The following TAB2 variants were observed in gnomAD, a reference collection of about 807,000 sequenced individuals.
TAB2 encodes TGF-beta activated kinase 1 (MAP3K7) binding protein 2.
A neutral mutation model predicts 65.0 loss-of-function variants in TAB2; 3 were observed. The observed-to-expected ratio is 0.05, with a 90% CI of 0.02 to 0.12. The LOEUF (loss-of-function observed/expected upper bound fraction) is 0.12, where lower values mean the gene tolerates loss of function less well. Ranked by LOEUF, TAB2 falls within the 10% of genes least tolerant of loss-of-function variation. TAB2 has a pLI of 1.00. For synonymous variants in TAB2, 298 were observed against 285.1 expected (o/e 1.05, Z -0.46); for missense variants, 623 against 840.3 (o/e 0.74, Z 3.20).
chr6:149,355,492 C>G (rs1338511817), intron 1 of TAB2, among the ~76,000 whole-genome samples: 1 of 151,650 alleles, frequency 6.6e-6, no homozygotes, highest in African/African-American at 2.4e-5. Context: ...GTGGAGAAAC[C>G]CCCGTCTCTA....
intron 1 of TAB2, among the ~76,000 whole-genome samples, chr6:149,223,952 G>C (rs745968438): frequency 3.9e-5 from 6 of 151,976 alleles, no homozygotes; most frequent in Admixed American, 1.3e-4. Context: ...TTAAGTGAAT[G>C]CTGAAATTAG....
At chr6:149,286,402 T>C (rs1778676900) in intron 1 of TAB2, among the ~76,000 whole-genome samples, 1 of 152,250 alleles carries the variant, frequency 6.6e-6, no homozygotes, top group Non-Finnish European at 1.5e-5. Context: ...TATTCTACTT[T>C]GCTTCTTCAA....
chr6:149,219,324 G>GTGTGTGTGTGTGTC (rs1317815140), intron 1 of TAB2, among the ~76,000 whole-genome samples: 2 of 151,930 alleles, frequency 1.3e-5, no homozygotes, highest in African/African-American at 4.8e-5. Context: ...GTGTGTGTGT[G>GTGTGTGTGTGTGTC]TGTGTGTGTG....
chr6:149,309,557 C>T (rs1339445313), intron 1 of TAB2, among the ~76,000 whole-genome samples: 3 of 151,924 alleles, frequency 2.0e-5, no homozygotes, highest in East Asian at 1.9e-4. Context: ...CCACCACGCC[C>T]GGCTAATTTT....
At chr6:149,254,931 A>ATGAGAC (rs1777982909) in intron 1 of TAB2, among the ~76,000 whole-genome samples, 1 of 152,216 alleles carries the variant, frequency 6.6e-6, no homozygotes, top group African/African-American at 2.4e-5. Context: ...TGATACTTAG[A>ATGAGAC]TGAGACTTTG....
chr6:149,287,122 C>T (rs1471336441), intron 1 of TAB2, among the ~76,000 whole-genome samples: 4 of 151,934 alleles, frequency 2.6e-5, no homozygotes, highest in South Asian at 2.1e-4. Flanking sequence ...ATCTCAAAAA[C>T]GAAACAAAAA....
intron 1 of TAB2, among the ~76,000 whole-genome samples, chr6:149,304,717 C>T (rs1303014444): frequency 2.0e-5 from 3 of 152,124 alleles, no homozygotes; most frequent in African/African-American, 7.2e-5. Flanking sequence ...ATCAGGATTG[C>T]CTCTCATTTT....
intron 1 of TAB2, 143 bp downstream of exon 1, chr6:149,318,158 T>A (rs1416103843): frequency 1.3e-5 from 2 of 152,254 alleles, no homozygotes; most frequent in Non-Finnish European, 2.9e-5. Flanking sequence ...GCACTCTTCC[T>A]CCCTCCGCCT....
At chr6:149,256,134 G>GAACTGGTTACTA (rs1778027783) in intron 1 of TAB2, among the ~76,000 whole-genome samples, 1 of 151,952 alleles carries the variant, frequency 6.6e-6, no homozygotes, top group African/African-American at 2.4e-5. Context: ...AAGAAGGAAA[G>GAACTGGTTACTA]TTAATTTTAA....
intron 1 of TAB2, among the ~76,000 whole-genome samples, chr6:149,331,118 A>G (rs911510786): frequency 1.3e-5 from 2 of 152,126 alleles, no homozygotes; most frequent in African/African-American, 4.8e-5. Flanking sequence ...CTTTCCATGT[A>G]AAATTTAGAA....
intron 1 of TAB2, among the ~76,000 whole-genome samples, chr6:149,322,388 A>G (rs1779483201): frequency 6.6e-6 from 1 of 152,288 alleles, no homozygotes; most frequent in African/African-American, 2.4e-5. Context: ...CCCATACATA[A>G]AATTTTTCCT....
At chr6:149,347,819 G>T (rs181106351) in intron 1 of TAB2, among the ~76,000 whole-genome samples, 53 of 152,104 alleles carry the variant, frequency 3.5e-4, no homozygotes, top group Admixed American at 6.5e-5. Flanking sequence ...TAGCTAACTG[G>T]TATATGATAT....
At chr6:149,355,014 C>G (rs545376198) in intron 1 of TAB2, among the ~76,000 whole-genome samples, 1 of 152,224 alleles carries the variant, frequency 6.6e-6, no homozygotes, top group East Asian at 1.9e-4. Flanking sequence ...GCCAAATTGA[C>G]ATCTATAGAG....
chr6:149,403,107 G>T (rs2114960050), intron 6 of TAB2, among the ~76,000 whole-genome samples: 1 of 151,336 alleles, frequency 6.6e-6, no homozygotes, highest in South Asian at 2.1e-4. Context: ...GGCGGCCCAT[G>T]CCTGTAATCC....
chr6:149,273,803 G>A (rs941709910), intron 1 of TAB2, among the ~76,000 whole-genome samples: 2 of 152,306 alleles, frequency 1.3e-5, no homozygotes. Flanking sequence ...CACACCTTCC[G>A]TGTTCAATGT....
chr6:149,369,473 G>C (rs1781148242), intron 1 of TAB2, among the ~76,000 whole-genome samples: 1 of 152,130 alleles, frequency 6.6e-6, no homozygotes, highest in South Asian at 2.1e-4. Context: ...TGAATGCATT[G>C]GGTTTTGAAT....
intron 3 of TAB2, among the ~76,000 whole-genome samples, chr6:149,388,236 T>C (rs1781865352): frequency 6.6e-6 from 1 of 152,234 alleles, no homozygotes; most frequent in African/African-American, 2.4e-5. Flanking sequence ...GCTCCATCTC[T>C]GTGCTTCCAT....
In TAB2 at chr6:149,400,435, A is replaced by G. The variant is rs147083506; in HGVS notation, c.1939+1251A>G. The G allele has an allele frequency of 1.4e-5, 23 of 1,614,246 alleles. No individual in the cohort carries two copies. Among genetic ancestry groups the G allele is most frequent in the Middle Eastern group, 1.6e-4 (1 of 6,062 alleles). On this transcript the variant is annotated intron_variant, in intron 6 of 6. Transcript: ENST00000637181. ...ACAGAAGAAGTCAAGACTGAGAACAACAATCATATTAATTTGAAGGTGGCG... is the reference window on the plus strand; with the variant it reads ...ACAGAAGAAGTCAAGACTGAGAACAGCAATCATATTAATTTGAAGGTGGCG...
intron 3 of TAB2, among the ~76,000 whole-genome samples, chr6:149,384,222 G>A (rs1226941218): frequency 1.3e-5 from 2 of 152,076 alleles, no homozygotes; most frequent in Non-Finnish European, 2.9e-5. Flanking sequence ...GGGAACATAC[G>A]TACATACATA....
Sources: gnomAD v4.1 joint callset for allele counts (sites outside exome capture counted in the v4.1 genomes callset) on GRCh38, gnomAD v4.1.1 for gene constraint, MANE v1.5 for transcripts, NCBI Gene and HGNC (gene_info 2026-07-23, HGNC 2026-07-21) for gene names.